SCFD2: variants seen among roughly 807,000 people sequenced by gnomAD.
SCFD2 encodes sec1 family domain containing 2.
In SCFD2, 54 loss-of-function variants were observed where a neutral mutation model predicts 58.9. That is an observed-to-expected ratio of 0.92 (90% CI 0.74 to 1.15). The LOEUF (loss-of-function observed/expected upper bound fraction) is 1.15. SCFD2 is among the 50% of genes most tolerant of loss of function. SCFD2 has a pLI of 0.00. For missense variants in SCFD2, 805 were observed against 836.6 expected, an observed-to-expected ratio of 0.96 and a Z score of 0.47; for synonymous variants, 321 against 335.9, an observed-to-expected ratio of 0.96 and a Z score of 0.49.
chr4:53,346,991 C>A (rs1354019641), intron 2 of SCFD2, among the ~76,000 whole-genome samples: 7 of 152,166 alleles, frequency 4.6e-5, no homozygotes, highest in Non-Finnish European at 1.0e-4. Context: ...AGTAAGACAT[C>A]TCCCTCCTGC....
chr4:53,236,252 C>T (rs542112363), intron 4 of SCFD2, among the ~76,000 whole-genome samples: 2 of 152,204 alleles, frequency 1.3e-5, no homozygotes, highest in East Asian at 1.9e-4. Flanking sequence ...TTCTTGCCCT[C>T]GAACATCGAA....
chr4:52,995,034 G>T (rs1443545317), intron 5 of SCFD2, among the ~76,000 whole-genome samples: 2 of 152,156 alleles, frequency 1.3e-5, no homozygotes, highest in East Asian at 3.9e-4. Flanking sequence ...AATCAGGGGG[G>T]TGGCATGGGG....
Position 53,237,443 on chromosome 4 carries a change from G to A in SCFD2, c.1311+36383C>T, listed in dbSNP as rs1418972396. Among the ~76,000 whole-genome samples the A allele has an allele frequency of 2.0e-5, 3 of 146,992 alleles. No homozygotes were observed. The South Asian group carries it at 6.4e-4, about 32-fold the overall frequency. ...CGGGCAGAGGCGCCCCTCACTTCCC[G>A]GATGGGGGGTCTGGCCGGGCGGGGG... is the stretch of plus-strand genomic sequence containing the variant. On this transcript the variant is annotated intron_variant, in intron 4 of 8. Coordinates refer to ENST00000401642, the MANE Select transcript of SCFD2 (RefSeq NM_152540.4).
chr4:53,176,154 T>C (rs554626650), intron 4 of SCFD2, among the ~76,000 whole-genome samples: 29 of 152,346 alleles, frequency 1.9e-4, no homozygotes, highest in African/African-American at 7.0e-4. Flanking sequence ...ATTGAATACT[T>C]AGATTTCAAT....
chr4:53,230,002 C>A (rs909016442), intron 4 of SCFD2, among the ~76,000 whole-genome samples: 4 of 152,020 alleles, frequency 2.6e-5, no homozygotes, highest in Non-Finnish European at 5.9e-5. Context: ...ATTTATGCAG[C>A]CAAAAAAACA....
intron 5 of SCFD2, among the ~76,000 whole-genome samples, chr4:53,116,385 A>C (rs1725320115): frequency 6.6e-6 from 1 of 152,164 alleles, no homozygotes. Context: ...TGGTAGGAAG[A>C]GGGGGACATA....
At chr4:53,301,545 C>A (rs1189332891) in intron 3 of SCFD2, among the ~76,000 whole-genome samples, 1 of 152,144 alleles carries the variant, frequency 6.6e-6, no homozygotes, top group African/African-American at 2.4e-5. Context: ...GGTACCATTC[C>A]TTCTGAAACT....
intron 4 of SCFD2, among the ~76,000 whole-genome samples, chr4:53,236,393 T>G (rs1250534655): frequency 6.6e-6 from 1 of 151,154 alleles, no homozygotes; most frequent in African/African-American, 2.4e-5. Flanking sequence ...CATATGTAAG[T>G]GTGTGTGTAT....
intron 2 of SCFD2, among the ~76,000 whole-genome samples, chr4:53,335,295 T>C (rs1266743475): frequency 6.6e-6 from 1 of 150,746 alleles, no homozygotes; most frequent in Non-Finnish European, 1.5e-5. Context: ...TGAATCTAAT[T>C]GTGAGGAAAC....
intron 7 of SCFD2, among the ~76,000 whole-genome samples, chr4:52,907,208 T>C (rs796297529): frequency 3.9e-5 from 6 of 152,342 alleles, no homozygotes; most frequent in African/African-American, 1.4e-4. Context: ...AGAGAGATTG[T>C]GTCCTCCACC....
At chr4:53,197,669 A>G (rs530975878) in intron 4 of SCFD2, among the ~76,000 whole-genome samples, 2 of 151,168 alleles carry the variant, frequency 1.3e-5, no homozygotes, top group African/African-American at 4.9e-5. Flanking sequence ...ATTGAATGTC[A>G]TATTTCAAAA....
intron 4 of SCFD2, among the ~76,000 whole-genome samples, chr4:53,202,886 G>C (rs1198718784): frequency 6.6e-6 from 1 of 152,212 alleles, no homozygotes; most frequent in Non-Finnish European, 1.5e-5. Context: ...TGTATCCTGA[G>C]ACTTTGCTGA....
At chr4:53,327,541 T>C (rs1197693240) in intron 2 of SCFD2, among the ~76,000 whole-genome samples, 1 of 152,068 alleles carries the variant, frequency 6.6e-6, no homozygotes, top group East Asian at 1.9e-4. Context: ...TATCAGAGCC[T>C]AAATGGTATG....
intron 1 of SCFD2, among the ~76,000 whole-genome samples, chr4:53,363,182 T>A (rs1167251752): frequency 6.6e-6 from 1 of 151,922 alleles, no homozygotes; most frequent in East Asian, 1.9e-4. Flanking sequence ...GTCACCCAGG[T>A]TGGAGTGCAG....
intron 4 of SCFD2, among the ~76,000 whole-genome samples, chr4:53,229,449 A>C (rs577188373): frequency 9.9e-5 from 15 of 152,230 alleles, no homozygotes; most frequent in South Asian, 8.3e-4. Context: ...CAGAACAGAG[A>C]CCTCAGAAAT....
At chr4:52,895,677 G>A (rs1718989483) in intron 7 of SCFD2, among the ~76,000 whole-genome samples, 1 of 152,174 alleles carries the variant, frequency 6.6e-6, no homozygotes, top group Non-Finnish European at 1.5e-5. Flanking sequence ...AATCCTTTGG[G>A]TATATACCTA....
chr4:53,176,701 G>C (rs1261704843), intron 4 of SCFD2, among the ~76,000 whole-genome samples: 1 of 152,196 alleles, frequency 6.6e-6, no homozygotes, highest in Non-Finnish European at 1.5e-5. Context: ...TGTAATCCCA[G>C]CACTTTGGGA....
At chr4:53,241,469 C>T (rs1256535436) in intron 4 of SCFD2, among the ~76,000 whole-genome samples, 8 of 152,152 alleles carry the variant, frequency 5.3e-5, no homozygotes, top group Admixed American at 5.2e-4. Context: ...GCAATCCAGT[C>T]TCCAGGTACC....
chr4:53,035,195 A>G (rs1722724150), intron 5 of SCFD2, among the ~76,000 whole-genome samples: 2 of 152,228 alleles, frequency 1.3e-5, no homozygotes, highest in South Asian at 2.1e-4. Context: ...CTGATCTTTG[A>G]CAAACCTGAC....
Sources: gnomAD v4.1 joint callset for allele counts (sites outside exome capture counted in the v4.1 genomes callset) on GRCh38, gnomAD v4.1.1 for gene constraint, MANE v1.5 for transcripts, NCBI Gene and HGNC (gene_info 2026-07-23, HGNC 2026-07-21) for gene names.